Variants in RNMT observed in about 807,000 individuals in gnomAD.
RNMT encodes mRNA cap guanine-N(7) methyltransferase.
In RNMT, 27 loss-of-function variants were observed where a neutral mutation model predicts 56.0. The observed-to-expected ratio is 0.48, with a 90% confidence interval of 0.36 to 0.67. RNMT has a LOEUF of 0.67. Ranked by LOEUF, RNMT falls within the 30% of genes least tolerant of loss-of-function variation. The pLI, the probability that RNMT is intolerant of heterozygous loss-of-function variation, is 0.00. For synonymous variants in RNMT, 184 were observed against 176.2 expected (o/e 1.04, Z -0.35); for missense variants, 519 against 552.1 (o/e 0.94, Z 0.60).
At chr18:13,737,285 G>A (rs899419126) in intron 5 of RNMT, 150 bp downstream of exon 5, 18 of 696,886 alleles carry the variant, frequency 2.6e-5, no homozygotes, top group Non-Finnish European at 3.7e-5. Context: ...GCTCATGCCT[G>A]TAATCCAACA....
Position 13,760,387 on chromosome 18 carries a change from C to G in RNMT, c.*408C>G. On this transcript the variant is annotated 3_prime_UTR_variant, in exon 12 of 12. Transcript: ENST00000383314. ...GAGCATTTTCATAGTGTGCTCATTT[C>G]TATGGTTTTGTTATATAGCATTTTT... 1 of 992,626 alleles carries G rather than the reference C, an allele frequency of 1.0e-6. No homozygotes were observed. The highest frequency in any genetic ancestry group is 1.2e-6 in the Non-Finnish European group (1 of 834,304). The allele number at this position is 992,626 out of a possible 1,614,324, so 61.5% of individuals were successfully genotyped here.
At chr18:13,732,776 C>T (rs1177439676) in intron 3 of RNMT, among the ~76,000 whole-genome samples, 1 of 113,716 alleles carries the variant, frequency 8.8e-6, no homozygotes, top group Non-Finnish European at 1.7e-5. Context: ...GACAGAGTCT[C>T]ACTCTGTCTC....
intron 7 of RNMT, 128 bp downstream of exon 7, chr18:13,741,819 T>C (rs1602014202): frequency 1.7e-6 from 1 of 577,064 alleles, no homozygotes; most frequent in Non-Finnish European, 2.9e-6. Flanking sequence ...TCATAAGATA[T>C]TTGAGTAGAC....
At chr18:13,753,841 A>T (rs1034183650) in intron 10 of RNMT, among the ~76,000 whole-genome samples, 6 of 150,896 alleles carry the variant, frequency 4.0e-5, no homozygotes, top group Non-Finnish European at 8.9e-5. Flanking sequence ...ACACACACAC[A>T]CACACACACA....
chr18:13,759,452 A>G (rs1276055269), intron 11 of RNMT, among the ~76,000 whole-genome samples: 1 of 152,182 alleles, frequency 6.6e-6, no homozygotes, highest in Non-Finnish European at 1.5e-5. Flanking sequence ...CTTTTGGCTT[A>G]CTTTCTTCAC....
intron 6 of RNMT, 106 bp from the exon 7 acceptor site, chr18:13,741,404 T>TCTA (rs2044248534): frequency 5.9e-6 from 4 of 676,164 alleles, no homozygotes; most frequent in Non-Finnish European, 1.0e-5. Flanking sequence ...AGGGAAAGAT[T>TCTA]GTGAGGGAAA....
intron 11 of RNMT, among the ~76,000 whole-genome samples, chr18:13,756,620 C>T (rs1039674683): frequency 8.5e-5 from 13 of 152,268 alleles, no homozygotes; most frequent in East Asian, 1.9e-4. Flanking sequence ...TCTGTCCTAT[C>T]GCTGTGCTAC....
intron 1 of RNMT, among the ~76,000 whole-genome samples, chr18:13,728,300 C>CTTTTTTTTTTTTTTT (rs1204415985): frequency 9.1e-6 from 1 of 109,640 alleles, no homozygotes; most frequent in African/African-American, 3.6e-5. Flanking sequence ...TCATCAGCAT[C>CTTTTTTTTTTTTTTT]TTTTTTTTTT....
intron 9 of RNMT, among the ~76,000 whole-genome samples, chr18:13,748,501 C>A (rs918980719): frequency 6.6e-6 from 1 of 152,194 alleles, no homozygotes; most frequent in Non-Finnish European, 1.5e-5. Flanking sequence ...TCGGATGCCA[C>A]TGCTTTCGAC....
chr18:13,751,212 C>T lies in RNMT; in HGVS notation c.1258-1114C>T, dbSNP rs142766859. On this transcript the variant is annotated intron_variant, in intron 9 of 11. Transcript: ENST00000383314. ...CTACAGAATGGGAGAAAATTTTTGC[C>T]GTCTACCCATCTGATAGAGGGCTAA... Among the ~76,000 whole-genome samples the T allele has an allele frequency of 2.4e-3, 359 of 152,206 alleles. 3 individuals carry two copies. The highest frequency in any genetic ancestry group is 8.2e-3 in the African/African-American group (341 of 41,536).
chr18:13,752,660 T>C (rs975828744), intron 10 of RNMT, among the ~76,000 whole-genome samples: 1 of 152,136 alleles, frequency 6.6e-6, no homozygotes, highest in African/African-American at 2.4e-5. Flanking sequence ...AGTGAAAAAA[T>C]TACAGGGTTG....
chr18:13,740,347 A>G, intron 6 of RNMT, 68 bp downstream of exon 6: 2 of 880,398 alleles, frequency 2.3e-6, no homozygotes, highest in Admixed American at 2.7e-5. Flanking sequence ...TTGTTTTAAA[A>G]ATCAACTCAA....
chr18:13,744,905 C>G lies in RNMT; in HGVS notation c.1140-1315C>G, dbSNP rs114961617. ...TTGGCAAATGCAGTGAGGAAAAAAA[C>G]TACCTGAGAGTCTAACGGAGAGACC... is the stretch of plus-strand genomic sequence containing the variant. On this transcript the variant is annotated intron_variant, in intron 8 of 11. Transcript: ENST00000383314. 8.6e-3 allele frequency among the ~76,000 whole-genome samples: 1,303 copies of G among 152,256 alleles called. 23 individuals are homozygous for G. The highest frequency in any genetic ancestry group is 0.03 in the African/African-American group (1,256 of 41,532).
In RNMT at chr18:13,726,972, G is replaced by C. The variant is rs575189465; in HGVS notation, c.-172+243G>C. The C allele has an allele frequency of 2.0e-3, 312 of 152,432 alleles. 1 individual carries two copies. The highest frequency in any genetic ancestry group is 3.6e-3 in the Non-Finnish European group (243 of 68,136). 9.4% of individuals were successfully genotyped at this position (152,432 alleles called of 1,614,324 possible). A position where few individuals can be genotyped will look rare whatever the true frequency, so the allele number is the denominator to read the frequency against. On this transcript the variant is annotated intron_variant, in intron 1 of 11. Coordinates refer to ENST00000383314, the MANE Select transcript of RNMT (RefSeq NM_003799.3). ...TGGGCGAGCCCGGGTGGGAGAAGCA[G>C]CTCGAAGAGCTGCTCCAGCTCGCGC...
intron 10 of RNMT, among the ~76,000 whole-genome samples, chr18:13,752,693 T>C (rs1259240976): frequency 6.6e-6 from 1 of 152,250 alleles, no homozygotes; most frequent in African/African-American, 2.4e-5. Flanking sequence ...CCTGCTAATG[T>C]AGGCACCAAT....
chr18:13,734,109 G>T (rs888723933), intron 3 of RNMT, among the ~76,000 whole-genome samples: 2 of 152,032 alleles, frequency 1.3e-5, no homozygotes, highest in Non-Finnish European at 2.9e-5. Flanking sequence ...CTTTTACTTG[G>T]CTCTCATTGT....
chr18:13,731,354 GC>G, intron 2 of RNMT, 121 bp from the exon 3 acceptor site: 1 of 499,310 alleles, frequency 2.0e-6, no homozygotes, highest in Non-Finnish European at 3.5e-6. Context: ...CTTGCAGTGA[GC>G]CGAGATCATG....
At chr18:13,739,975 G>A (rs956051333) in intron 5 of RNMT, among the ~76,000 whole-genome samples, 192 bp from the exon 6 acceptor site, 2 of 151,886 alleles carry the variant, frequency 1.3e-5, no homozygotes, top group African/African-American at 2.4e-5. Context: ...CTATTGAGAC[G>A]CTTTTAGTTC....
chr18:13,745,974 C>T (rs528798545), intron 8 of RNMT, among the ~76,000 whole-genome samples: 47 of 151,914 alleles, frequency 3.1e-4, no homozygotes, highest in Admixed American at 5.9e-4. Flanking sequence ...TCCGGAGACT[C>T]TCATTTACTT....
Sources: allele counts gnomAD v4.1 joint callset (sites outside exome capture counted in the v4.1 genomes callset), GRCh38; gene constraint gnomAD v4.1.1; transcripts MANE v1.5; gene names NCBI Gene and HGNC (gene_info 2026-07-23, HGNC 2026-07-21).